DCTN2: variants seen among roughly 807,000 people sequenced by gnomAD.
The protein encoded by DCTN2 is 50 kDa dynein-associated polypeptide.
A neutral mutation model predicts 55.4 loss-of-function variants in DCTN2; 18 were observed. The ratio of observed to expected loss-of-function variants is 0.32; its 90% CI spans 0.22 to 0.48. The LOEUF is 0.48. Ranked by LOEUF, DCTN2 falls within the 20% of genes least tolerant of loss-of-function variation. The pLI, the probability that DCTN2 is intolerant of heterozygous loss-of-function variation, is 0.99. For synonymous variants in DCTN2, 168 were observed against 185.2 expected (o/e 0.91, Z 0.76); for missense variants, 390 against 491.0 (o/e 0.79, Z 1.94).
intron 2 of DCTN2, among the ~76,000 whole-genome samples, chr12:57,537,485 G>A (rs1460373666): frequency 6.6e-6 from 1 of 152,054 alleles, no homozygotes; most frequent in African/African-American, 2.4e-5. Flanking sequence ...CTGCCTGTGT[G>A]TAGGTATGTG....
chr12:57,533,004 G>C lies in DCTN2; in HGVS notation c.754C>G (p.Leu252Val). 1 of 1,603,898 alleles carries C rather than the reference G, an allele frequency of 6.2e-7. No homozygotes were observed. Among genetic ancestry groups the C allele is most frequent in the Admixed American group, 1.7e-5 (1 of 57,824 alleles). The change falls in exon 9 of 14, where the codon CTA becomes GTA. Residue 252 changes from leucine to valine, a missense_variant. Coordinates refer to ENST00000548249, the MANE Select transcript of DCTN2 (RefSeq NM_001261413.2). ...CTCACCATGAGACAGGCTCCCTGTA[G>C]ACCTGCAGAAAGGGGATTCTGGTGG... ...QDAQNPLSAGLQGACLMETVE... is the reference protein window; with the variant it reads ...QDAQNPLSAGVQGACLMETVE...
At chr12:57,531,708 C>T (rs964584747) in intron 13 of DCTN2, among the ~76,000 whole-genome samples, 2 of 152,070 alleles carry the variant, frequency 1.3e-5, no homozygotes, top group African/African-American at 4.8e-5. Flanking sequence ...AAAGTTGAGA[C>T]GACAAAGGGA....
rs1879582791 is a variant in DCTN2, at chr12:57,530,608, G to C, written c.*81C>G. ...ATGGGATGGGGATGCTAGAGTTATA[G>C]TAAAGGGGAAACCCTATGTAAGCTG... On this transcript the variant is annotated 3_prime_UTR_variant, in exon 14 of 14. Transcript: ENST00000548249. 4 of 1,259,448 alleles carry C rather than the reference G, an allele frequency of 3.2e-6. No individual in the cohort carries two copies. The highest frequency in any genetic ancestry group is 3.4e-6 in the Non-Finnish European group (3 of 880,580). 78.0% of individuals were successfully genotyped at this position (1,259,448 alleles called of 1,614,324 possible).
Position 57,534,061 on chromosome 12 carries a change from G to C in DCTN2, c.561C>G (p.Ser187Arg). 1 of 1,611,030 alleles carries C rather than the reference G, an allele frequency of 6.2e-7. No homozygotes were observed. Among genetic ancestry groups the C allele is most frequent in the Non-Finnish European group, 8.5e-7 (1 of 1,178,772 alleles). ...LLLQLEATKN[S>R]KGGSGGKTTG... is the part of the protein sequence containing the mutation. ...TGGTTTTTCCCCCTGATCCCCCTTT[G>C]CTGTTCTTTGTTGCTTCCAGCTGCA... Residue 187 changes from serine to arginine, a missense_variant, in exon 7 of 14, where the codon AGC becomes AGG. Transcript: ENST00000548249.
At position 57,532,034 on chromosome 12, in the gene DCTN2, T is replaced by C. The variant is rs753760735; in HGVS notation, c.1100A>G (p.Asn367Ser). ...QQMIANSLKD[N>S]TTLLTQVQTT... ...ACACACCTGGGTCAAGAGGGTGGTA[T>C]TGTCCTTCAAGGAATTAGCAATCAT... The change falls in exon 13 of 14, where the codon AAT (asparagine) becomes AGT (serine). Residue 367 changes from asparagine to serine, a missense_variant. By Grantham distance (46) the Asn-to-Ser change is conservative. This residue lies in a region of DCTN2 where 273 missense variants were observed against 303.2 expected (regional missense o/e 0.90). Coordinates refer to ENST00000548249, the MANE Select transcript of DCTN2 (RefSeq NM_001261413.2). 1.4e-5 allele frequency: 22 copies of C among 1,564,168 alleles called. No individual in the cohort carries two copies. The highest frequency in any genetic ancestry group is 1.7e-5 in the Non-Finnish European group (20 of 1,153,594).
chr12:57,532,635 C>G lies in DCTN2; in HGVS notation c.861G>C (p.Leu287=). 2.5e-6 allele frequency: 4 copies of G among 1,613,948 alleles called. No homozygotes were observed. The highest frequency in any genetic ancestry group is 3.4e-6 in the Non-Finnish European group (4 of 1,179,884). ...DQVEARLQSV[L]GKVNEIAKHK... is the part of the protein sequence containing the mutation. ...GCTTGGCAATCTCGTTCACCTTTCCCAGGACACTCTGAAAACACAGATTTT... is the reference window on the plus strand; with the variant it reads ...GCTTGGCAATCTCGTTCACCTTTCCGAGGACACTCTGAAAACACAGATTTT... The change falls in exon 11 of 14, where the codon CTG becomes CTC. Residue 287 remains leucine (L), a synonymous_variant. Coordinates refer to ENST00000548249, the MANE Select transcript of DCTN2 (RefSeq NM_001261413.2).
chr12:57,533,319 A>T lies in DCTN2; in HGVS notation c.670-16T>A, dbSNP rs1467402569. 1.2e-6 allele frequency: 2 copies of T among 1,613,508 alleles called. No individual in the cohort carries two copies. The highest frequency in any genetic ancestry group is 4.5e-5 in the East Asian group (2 of 44,882). ...GTTCTGCGACCTAGTGGGAGGAAGG[A>T]GGTGAGATTTGCCATCTGCTTCCCT... On this transcript the variant is annotated splice_polypyrimidine_tract_variant and intron_variant, in intron 7 of 13. Coordinates refer to ENST00000548249, the MANE Select transcript of DCTN2 (RefSeq NM_001261413.2).
In DCTN2 at chr12:57,547,098, C is replaced by T. The variant is rs1881241410; in HGVS notation, c.-35G>A. On this transcript the variant is annotated 5_prime_UTR_variant, in exon 1 of 14. Transcript: ENST00000548249. Reference sequence around the variant, plus strand: ...GAGACGGGCTGGGGGACCCGGGCCTCGGTGGAGCCGGGGCCGGTGTTCGGG... The same window carrying T: ...GAGACGGGCTGGGGGACCCGGGCCTTGGTGGAGCCGGGGCCGGTGTTCGGG... 8.0e-7 allele frequency: 1 copy of T among 1,257,356 alleles called. No homozygotes were observed. The highest frequency in any genetic ancestry group is 3.8e-5 in the South Asian group (1 of 26,200). The allele number at this position is 1,257,356 out of a possible 1,614,324, so 77.9% of individuals were successfully genotyped here. A position where few individuals can be genotyped will look rare whatever the true frequency, so the allele number is the denominator to read the frequency against.
Position 57,535,555 on chromosome 12 carries a change from AAAG to A in DCTN2, c.203-13_203-11del. 6.2e-7 allele frequency: 1 copy of A among 1,614,046 alleles called. No individual in the cohort carries two copies. The highest frequency in any genetic ancestry group is 8.5e-7 in the Non-Finnish European group (1 of 1,179,888). The stretch of plus-strand genomic sequence containing the variant: ...ATACGATCTGAGAAATCTGCCAAGA[AAAG>A]AAGATGGAACTGAGGGCCTGATCTA... On this transcript the variant is annotated splice_polypyrimidine_tract_variant and intron_variant, in intron 3 of 13. Transcript: ENST00000548249.
intron 2 of DCTN2, among the ~76,000 whole-genome samples, chr12:57,539,740 C>G (rs915780212): frequency 2.0e-5 from 3 of 152,172 alleles, no homozygotes; most frequent in Non-Finnish European, 2.9e-5. Context: ...CAAGATTCCT[C>G]TTTCCACCAG....
In DCTN2 at chr12:57,530,118, AT is replaced by A. The variant is rs1879501608; in HGVS notation, c.*570del. ...TGCTTTTCTATGGGAGACACTCTTAATTTAACAGATGAGAATATTTTGAAAC... is the reference window on the plus strand; with the variant it reads ...TGCTTTTCTATGGGAGACACTCTTAATTAACAGATGAGAATATTTTGAAAC... On this transcript the variant is annotated 3_prime_UTR_variant, in exon 14 of 14. Coordinates refer to ENST00000548249, the MANE Select transcript of DCTN2 (RefSeq NM_001261413.2). 1 of 152,492 alleles carries A rather than the reference AT, an allele frequency of 6.6e-6. No homozygotes were observed. The highest frequency in any genetic ancestry group is 1.5e-5 in the Non-Finnish European group (1 of 68,056). The allele number at this position is 152,492 out of a possible 1,614,324, so 9.4% of individuals were successfully genotyped here. A position where few individuals can be genotyped will look rare whatever the true frequency, so the allele number is the denominator to read the frequency against.
Position 57,530,571 on chromosome 12 carries a change from C to T in DCTN2, c.*118G>A, listed in dbSNP as rs1879578283. 4 of 869,974 alleles carry T rather than the reference C, an allele frequency of 4.6e-6. No individual in the cohort carries two copies. Among genetic ancestry groups the T allele is most frequent in the Admixed American group, 2.3e-5 (1 of 43,164 alleles). 53.9% of individuals were successfully genotyped at this position (869,974 alleles called of 1,614,324 possible). On this transcript the variant is annotated 3_prime_UTR_variant, in exon 14 of 14. Transcript: ENST00000548249. ...CCCCACATGCAAGAAGAACCCTTGC[C>T]CCCAGTGTCAAATGGGATGGGGATG...
chr12:57,537,105 C>T (rs759861251), intron 2 of DCTN2, among the ~76,000 whole-genome samples: 2 of 150,658 alleles, frequency 1.3e-5, no homozygotes, highest in South Asian at 2.1e-4. Flanking sequence ...TCCCAAAGTT[C>T]GGCCAAGGCG....
At chr12:57,537,305 G>C (rs1468042368) in intron 2 of DCTN2, among the ~76,000 whole-genome samples, 3 of 148,444 alleles carry the variant, frequency 2.0e-5, no homozygotes, top group African/African-American at 5.0e-5. Context: ...CTGCACTCCA[G>C]CCTGGGCAAC....
chr12:57,534,655 G>C (rs1262029352), intron 5 of DCTN2: 1 of 519,432 alleles, frequency 1.9e-6, no homozygotes, highest in Non-Finnish European at 3.3e-6. Flanking sequence ...TTATCCAGGA[G>C]CTTAAGGAAT....
chr12:57,544,217 G>A, intron 2 of DCTN2: 1 of 395,378 alleles, frequency 2.5e-6, no homozygotes, highest in East Asian at 7.2e-5. Flanking sequence ...CTGGTTCCAG[G>A]ACCTCCCTTG....
At chr12:57,543,855 C>T in intron 2 of DCTN2, 1 of 1,284,604 alleles carries the variant, frequency 7.8e-7, no homozygotes, top group Non-Finnish European at 1.0e-6. Context: ...ACAGTATCCT[C>T]TCCTCATCAG....
intron 11 of DCTN2, 55 bp downstream of exon 11, chr12:57,532,517 G>A: frequency 1.3e-6 from 2 of 1,569,002 alleles, no homozygotes; most frequent in Non-Finnish European, 1.8e-6. Flanking sequence ...CTTTGACACT[G>A]CCACTCGGAG....
chr12:57,545,934 C>T (rs1266941937), intron 2 of DCTN2, 94 bp downstream of exon 2: 3 of 1,353,050 alleles, frequency 2.2e-6, no homozygotes, highest in Non-Finnish European at 3.1e-6. Flanking sequence ...TTGGCATACC[C>T]GCTTATTGCT....
Sources: allele counts gnomAD v4.1 joint callset (sites outside exome capture counted in the v4.1 genomes callset), GRCh38; gene constraint gnomAD v4.1.1; regional missense constraint gnomAD v4.1.1; transcripts MANE v1.5; gene names NCBI Gene and HGNC (gene_info 2026-07-23, HGNC 2026-07-21).